The following FASN variants were observed in gnomAD, a reference collection of about 807,000 sequenced individuals.
FASN encodes 3-hydroxyacyl-[acyl-carrier-protein] dehydratase.
Under a neutral mutation model 250.0 loss-of-function variants are expected in FASN, and 50 were observed. That is an observed-to-expected ratio of 0.20 (90% CI 0.16 to 0.25). The LOEUF (loss-of-function observed/expected upper bound fraction) is 0.25. FASN is among the 10% of genes least tolerant of loss of function. The pLI, the probability that FASN is intolerant of heterozygous loss-of-function variation, is 1.00. For missense variants in FASN, 3,031 were observed against 3,498.5 expected (o/e 0.87, Z 3.37); for synonymous variants, 1,909 against 1,584.0 (o/e 1.21, Z -4.87).
Position 82,083,853 on chromosome 17 carries a change from G to A in FASN, c.5137C>T (p.Pro1713Ser). 6.3e-7 allele frequency: 1 copy of A among 1,592,338 alleles called. No homozygotes were observed. The highest frequency in any genetic ancestry group is 8.5e-7 in the Non-Finnish European group (1 of 1,170,352). The change falls in exon 30 of 43, where the codon CCC becomes TCC. Residue 1713 changes from proline (P) to serine (S), a missense_variant. Coordinates refer to ENST00000306749, the MANE Select transcript of FASN (RefSeq NM_004104.5). ...GCGAAGCTGGTGCTGTCGAGCTGGG[G>A]GAACCTGGCCTGGAGGTACGCCCGC... ...EKRAYLQARF[P>S]QLDSTSFANS...
At chr17:82,090,055 G>C (rs1191661056) in intron 11 of FASN, among the ~76,000 whole-genome samples, 1 of 152,248 alleles carries the variant, frequency 6.6e-6, no homozygotes, top group African/African-American at 2.4e-5. Flanking sequence ...GCACCAGTCT[G>C]AGGGAACCCT....
At chr17:82,092,047 C>A (rs1195252372) in intron 8 of FASN, among the ~76,000 whole-genome samples, 2 of 152,322 alleles carry the variant, frequency 1.3e-5, no homozygotes, top group East Asian at 3.9e-4. Context: ...GTTGGGGCTC[C>A]TGTGCCTGGT....
At chr17:82,086,929 G>A in intron 21 of FASN, 121 bp downstream of exon 21, 1 of 1,096,038 alleles carries the variant, frequency 9.1e-7, no homozygotes, top group East Asian at 2.6e-5. Flanking sequence ...CCGGAGGGTT[G>A]GGCTAGGGTT....
At position 82,087,995 on chromosome 17, in the gene FASN, C is replaced by A. The variant is rs775022621; in HGVS notation, c.2825G>T (p.Arg942Leu). 3.7e-6 allele frequency: 6 copies of A among 1,612,704 alleles called. No homozygotes were observed. The Admixed American group carries it at 8.3e-5, about 22-fold the overall frequency. Residue 942 changes from arginine to leucine, a missense_variant, in exon 18 of 43, where the codon CGT (arginine) becomes CTT (leucine). Arg to Leu is a moderately radical substitution (Grantham distance 102, BLOSUM62 -2). Transcript: ENST00000306749. ...GCCGTTCTCTGACACCTCGAAGGCA[C>A]GGGAGGCCTCCAGGAGCCGTACCTC... ...SLEVRLLEAS[R>L]AFEVSENGNL...
Position 82,090,753 on chromosome 17 carries a change from C to G in FASN, c.1680+129G>C, listed in dbSNP as rs1052211396. The G allele has an allele frequency of 4.2e-6, 5 of 1,187,470 alleles. No individual in the cohort carries two copies. The African/African-American group carries it at 6.1e-5, about 14-fold the overall frequency. The allele number at this position is 1,187,470 out of a possible 1,614,324, so 73.6% of individuals were successfully genotyped here. On this transcript the variant is annotated intron_variant, in intron 10 of 42. Transcript: ENST00000306749. The stretch of plus-strand genomic sequence containing the variant: ...CCCCTCCTCCCCTCCCGTCCTGCCC[C>G]CAGCACAAGGCTCTGCCTAGCAAAG...
chr17:82,083,253 G>A lies in FASN; in HGVS notation c.5514C>T (p.Asp1838=), dbSNP rs749901634. Residue 1838 remains aspartate, a synonymous_variant, in exon 32 of 43, where the codon GAC becomes GAT. Transcript: ENST00000306749. ...TCCCTTGGGCCATGTAGCGGAAGGC[G>A]TCCTCCACCTGGGCCCCATGGAACA... ...CTVFHGAQVE[D]AFRYMAQGKH... The A allele has an allele frequency of 2.0e-5, 33 of 1,612,560 alleles. No homozygotes were observed. The highest frequency in any genetic ancestry group is 2.5e-5 in the Non-Finnish European group (30 of 1,179,996).
chr17:82,084,188 G>A (rs2034044764), intron 28 of FASN, 35 bp from the exon 29 acceptor site: 1 of 1,607,802 alleles, frequency 6.2e-7, no homozygotes, highest in African/African-American at 1.3e-5. Flanking sequence ...CACAGGCCTG[G>A]CCGCCATCCA....
rs746216115 is a variant in FASN, at chr17:82,081,854, G to A, written c.6164-11C>T. 56 of 1,594,756 alleles carry A rather than the reference G, an allele frequency of 3.5e-5. No individual in the cohort carries two copies. Among genetic ancestry groups the A allele is most frequent in the Non-Finnish European group, 4.7e-5 (55 of 1,173,840 alleles). On this transcript the variant is annotated splice_polypyrimidine_tract_variant and intron_variant, in intron 36 of 42. Transcript: ENST00000306749. ...ACTGCACGGCCAGGCCTGTGGGGGA[G>A]GGGGCAGGTGGGCAGAGCTGCGGGG...
Position 82,084,787 on chromosome 17 carries a change from T to A in FASN, c.4564+12A>T. On this transcript the variant is annotated intron_variant, in intron 26 of 42. Coordinates refer to ENST00000306749, the MANE Select transcript of FASN (RefSeq NM_004104.5). ...GTCTCCCGGGAGGGGCAGGGCAGTG[T>A]CGGGGGCTCACCCTCCTCCAGCAGG... 3.2e-6 allele frequency: 5 copies of A among 1,549,738 alleles called. No individual in the cohort carries two copies. The highest frequency in any genetic ancestry group is 4.4e-6 in the Non-Finnish European group (5 of 1,146,906).
Position 82,091,049 on chromosome 17 carries a change from C to T in FASN, c.1513G>A (p.Gly505Arg), listed in dbSNP as rs778595263. 1.7e-5 allele frequency: 28 copies of T among 1,612,010 alleles called. No homozygotes were observed. The highest frequency in any genetic ancestry group is 5.5e-5 in the South Asian group (5 of 90,840). ...AGGCGCATGAGGCTCAGCCCCATCCCGCGCCACTGTGTGCCCATCCCTGTC... is the reference window on the plus strand; with the variant it reads ...AGGCGCATGAGGCTCAGCCCCATCCTGCGCCACTGTGTGCCCATCCCTGTC... ...ICSGMGTQWR[G>R]MGLSLMRLDR... Residue 505 changes from glycine to arginine, a missense_variant, in exon 10 of 43, where the codon GGG becomes AGG. Coordinates refer to ENST00000306749, the MANE Select transcript of FASN (RefSeq NM_004104.5).
chr17:82,080,035 G>A (rs1049743564), intron 41 of FASN, 105 bp downstream of exon 41: 12 of 1,224,306 alleles, frequency 9.8e-6, no homozygotes, highest in African/African-American at 7.4e-5. Context: ...GGGTGAAGTT[G>A]GGGGGCCTTT....
chr17:82,087,724 C>G lies in FASN; in HGVS notation c.3004G>C (p.Gly1002Arg), dbSNP rs746706682. ...TCCAGGATGCCCTGGAAATGAGGGC[C>G]GTAGTCGTAGCCACGCAGACGCAGC... ...KELRLRGYDY[G>R]PHFQGILEAS... is the part of the protein sequence containing the mutation. The change falls in exon 19 of 43, where the codon GGC (glycine) becomes CGC (arginine). Residue 1002 changes from glycine to arginine, a missense_variant. Transcript: ENST00000306749. The G allele has an allele frequency of 6.2e-7, 1 of 1,612,270 alleles. No individual in the cohort carries two copies. Among genetic ancestry groups the G allele is most frequent in the Non-Finnish European group, 8.5e-7 (1 of 1,179,984 alleles).
intron 22 of FASN, 115 bp downstream of exon 22, chr17:82,086,139 C>T (rs565231468): frequency 5.3e-5 from 80 of 1,502,010 alleles, no homozygotes; most frequent in Non-Finnish European, 6.7e-5. Context: ...GGGAACTGGC[C>T]GGCCCCACCC....
rs1484716877 is a variant in FASN, at chr17:82,082,391, C to T, written c.5943G>A (p.Glu1981=). The T allele has an allele frequency of 6.8e-6, 11 of 1,612,764 alleles. No individual in the cohort carries two copies. Among genetic ancestry groups the T allele is most frequent in the Non-Finnish European group, 9.3e-6 (11 of 1,180,010 alleles). ...LAVVLRDGLL[E]NQTPEFFQDV... is the part of the protein sequence containing the mutation. ...CCTGGAAGAACTCTGGGGTCTGGTT[C>T]TCCAGCAAGCCATCTCTCAAGACCT... Residue 1981 remains glutamate (E), a synonymous_variant, in exon 35 of 43, where the codon GAG becomes GAA. Transcript: ENST00000306749.
intron 11 of FASN, 43 bp from the exon 12 acceptor site, chr17:82,089,769 C>G: frequency 6.6e-7 from 1 of 1,516,028 alleles, no homozygotes; most frequent in African/African-American, 1.4e-5. Flanking sequence ...GGACACCGAG[C>G]CGCTCCCAGC....
In FASN at chr17:82,086,477, G is replaced by A; in HGVS notation, c.3509C>T (p.Pro1170Leu). ...CAGTTCCTGCTGTGAGGGGTCCCGG[G>A]GGATCTGGGCCCCATCCAGTCCGGG... ...VVPGLDGAQI[P>L]RDPSQQELPR... is the part of the protein sequence containing the mutation. The change falls in exon 22 of 43, where the codon CCC (proline) becomes CTC (leucine). Residue 1170 changes from proline to leucine, a missense_variant. Coordinates refer to ENST00000306749, the MANE Select transcript of FASN (RefSeq NM_004104.5). The A allele has an allele frequency of 3.1e-6, 5 of 1,612,504 alleles. No individual in the cohort carries two copies. The South Asian group carries it at 5.5e-5, about 18-fold the overall frequency.
chr17:82,088,359 G>T (rs747863569), intron 16 of FASN, 31 bp downstream of exon 16: 16 of 1,611,148 alleles, frequency 9.9e-6, no homozygotes, highest in Non-Finnish European at 1.3e-5. Flanking sequence ...GGGGAGGGAA[G>T]AGTCTGCCCA....
rs1273474776 is a variant in FASN at position 82,092,463 on chromosome 17, G to A, written c.1021C>T (p.Leu341=). ...AGCCCAGCCCCACCTACCTTGGCCAGGGCTGCCAGCCCCGAGGCTGGCTCC... is the reference window on the plus strand; with the variant it reads ...AGCCCAGCCCCACCTACCTTGGCCAAGGCTGCCAGCCCCGAGGCTGGCTCC... ...HPEPASGLAA[L]AKVLLSLEHG... The change falls in exon 8 of 43, where the codon CTG becomes TTG. Residue 341 remains leucine (L), a synonymous_variant. Coordinates refer to ENST00000306749, the MANE Select transcript of FASN (RefSeq NM_004104.5). 2 of 1,575,064 alleles carry A rather than the reference G, an allele frequency of 1.3e-6. No individual in the cohort carries two copies. Among genetic ancestry groups the A allele is most frequent in the Non-Finnish European group, 1.7e-6 (2 of 1,163,286 alleles).
chr17:82,080,767 C>T lies in FASN; in HGVS notation c.6751G>A (p.Glu2251Lys), dbSNP rs2033973077. The change falls in exon 39 of 43, where the codon GAG (glutamate) becomes AAG (lysine). Residue 2251 changes from glutamate to lysine, a missense_variant. Glu to Lys is a moderately conservative substitution (Grantham distance 56). Coordinates refer to ENST00000306749, the MANE Select transcript of FASN (RefSeq NM_004104.5). Reference protein sequence around the residue: ...ERPLFLVHPIEGSTTVFHSLA... With the variant: ...ERPLFLVHPIKGSTTVFHSLA... ...CTGTGGAACACGGTGGTGGAGCCCT[C>T]GATTGGGTGCACCAGGAACAGGGGC... 6.2e-7 allele frequency: 1 copy of T among 1,603,710 alleles called. No homozygotes were observed. Among genetic ancestry groups the T allele is most frequent in the Non-Finnish European group, 8.5e-7 (1 of 1,176,428 alleles).
Sources: allele counts gnomAD v4.1 joint callset (sites outside exome capture counted in the v4.1 genomes callset), GRCh38; gene constraint gnomAD v4.1.1; transcripts MANE v1.5; gene names NCBI Gene and HGNC (gene_info 2026-07-23, HGNC 2026-07-21).